The following ZFYVE28 variants were observed in gnomAD, a reference collection of about 807,000 sequenced individuals.
ZFYVE28 encodes the protein lateral signaling target protein 2 homolog.
Under a neutral mutation model 82.1 loss-of-function variants are expected in ZFYVE28, and 40 were observed. That is an observed-to-expected ratio of 0.49 (90% CI 0.38 to 0.63). The LOEUF (loss-of-function observed/expected upper bound fraction) is 0.63. ZFYVE28 is among the 30% of genes least tolerant of loss of function. ZFYVE28 has a pLI of 0.00. For synonymous variants in ZFYVE28, 612 were observed against 546.1 expected, an observed-to-expected ratio of 1.12 and a Z score of -1.68; for missense variants, 1,321 against 1,242.1, an observed-to-expected ratio of 1.06 and a Z score of -0.96.
chr4:2,336,915 A>AAGTGAGGAGGTG (rs147521632), intron 5 of ZFYVE28, among the ~76,000 whole-genome samples: 3 of 31,898 alleles, frequency 9.4e-5, no homozygotes, highest in Non-Finnish European at 1.6e-4. Flanking sequence ...GGAGGTGGGG[A>AAGTGAGGAGGTG]AGTGAGGAGG....
chr4:2,273,931 C>T (rs528346737), intron 9 of ZFYVE28, 131 bp downstream of exon 9: 474 of 1,059,142 alleles, frequency 4.5e-4, no homozygotes, highest in Non-Finnish European at 5.9e-4. Context: ...AGTGCTGGCT[C>T]CTTAGGGGCA....
At chr4:2,401,180 G>C (rs566033012) in intron 1 of ZFYVE28, among the ~76,000 whole-genome samples, 1 of 152,206 alleles carries the variant, frequency 6.6e-6, no homozygotes, top group African/African-American at 2.4e-5. Flanking sequence ...AACTAAGGGG[G>C]GCCCCGAAGG....
At chr4:2,414,470 G>A (rs1199321247) in intron 1 of ZFYVE28, among the ~76,000 whole-genome samples, 1 of 152,226 alleles carries the variant, frequency 6.6e-6, no homozygotes, top group East Asian at 1.9e-4. Flanking sequence ...TATAAGGAAT[G>A]TTCTCCTACA....
At position 2,270,738 on chromosome 4, in the gene ZFYVE28, T is replaced by G; in HGVS notation, c.2651A>C (p.Lys884Thr). 1 of 1,613,160 alleles carries G rather than the reference T, an allele frequency of 6.2e-7. No individual in the cohort carries two copies. Among genetic ancestry groups the G allele is most frequent in the Non-Finnish European group, 8.5e-7 (1 of 1,179,908 alleles). ...MFHVTPFYSD[K>T]AGL is the part of the protein sequence containing the mutation. ...CCTGGCACCACGTCACAGGCCGGCC[T>G]TGTCGCTGTAGAAGGGCGTGACATG... Residue 884 changes from lysine (K) to threonine (T), a missense_variant, in exon 13 of 13, where the codon AAG (lysine) becomes ACG (threonine). Transcript: ENST00000290974.
At chr4:2,307,596 C>T (rs1021191477) in intron 7 of ZFYVE28, among the ~76,000 whole-genome samples, 2 of 152,134 alleles carry the variant, frequency 1.3e-5, no homozygotes, top group Admixed American at 6.5e-5. Flanking sequence ...TATTCTTCTG[C>T]CTCAGCCTCC....
At position 2,335,930 on chromosome 4, in the gene ZFYVE28, T is replaced by C; in HGVS notation, c.612-136A>G. 1 of 685,268 alleles carries C rather than the reference T, an allele frequency of 1.5e-6. No individual in the cohort carries two copies. The highest frequency in any genetic ancestry group is 2.6e-6 in the Non-Finnish European group (1 of 384,788). The allele number at this position is 685,268 out of a possible 1,614,324, so 42.4% of individuals were successfully genotyped here. A position where few individuals can be genotyped will look rare whatever the true frequency, so the allele number is the denominator to read the frequency against. ...GGTGGCCACGTCAAGAGGTGACACA[T>C]GCCACCCCCAGTCCTCATATGTGCA... On this transcript the variant is annotated intron_variant, in intron 5 of 12. Transcript: ENST00000290974. This position sits in a 1 kb window ranked among gnomAD's most constrained non-coding sequence, Gnocchi z 5.8.
intron 7 of ZFYVE28, among the ~76,000 whole-genome samples, chr4:2,319,956 G>A (rs1212814364): frequency 2.0e-5 from 3 of 152,166 alleles, no homozygotes; most frequent in Admixed American, 2.0e-4. Flanking sequence ...CCAAGAGAGC[G>A]CCCACCCCAT....
At chr4:2,288,464 T>C (rs964197444) in intron 8 of ZFYVE28, among the ~76,000 whole-genome samples, 1 of 152,158 alleles carries the variant, frequency 6.6e-6, no homozygotes, top group African/African-American at 2.4e-5. Flanking sequence ...AGCGCCTGCC[T>C]CCGAGGGGCT....
intron 8 of ZFYVE28, among the ~76,000 whole-genome samples, chr4:2,299,266 A>G (rs1260972760): frequency 6.6e-6 from 1 of 152,114 alleles, no homozygotes; most frequent in Non-Finnish European, 1.5e-5. Context: ...CAGTGATCAG[A>G]GGGGGCAAAC....
intron 1 of ZFYVE28, among the ~76,000 whole-genome samples, chr4:2,413,503 C>G (rs1260740641): frequency 6.6e-6 from 1 of 152,114 alleles, no homozygotes; most frequent in Non-Finnish European, 1.5e-5. Flanking sequence ...AGCGTCCTCC[C>G]AGGACTTCCT....
chr4:2,364,540 G>A (rs1327303240), intron 1 of ZFYVE28: 44 of 985,408 alleles, frequency 4.5e-5, no homozygotes, highest in Non-Finnish European at 5.2e-5. Flanking sequence ...GACGCAACAG[G>A]AGCCACGTGG....
intron 1 of ZFYVE28, among the ~76,000 whole-genome samples, chr4:2,399,853 A>G (rs539908619): frequency 5.9e-5 from 9 of 152,310 alleles, no homozygotes; most frequent in African/African-American, 1.9e-4. Flanking sequence ...CGTGGGCCAC[A>G]TGGGGTTGCA....
At chr4:2,311,394 C>G (rs370976770) in intron 7 of ZFYVE28, among the ~76,000 whole-genome samples, 1 of 152,076 alleles carries the variant, frequency 6.6e-6, no homozygotes, top group Non-Finnish European at 1.5e-5. Context: ...GGTGTGGTGG[C>G]AGGCATCTGT....
At chr4:2,295,379 C>T (rs1464262678) in intron 8 of ZFYVE28, among the ~76,000 whole-genome samples, 3 of 151,944 alleles carry the variant, frequency 2.0e-5, no homozygotes, top group African/African-American at 7.3e-5. Context: ...CCATGTTGGC[C>T]AGGCTGGTCT....
chr4:2,334,132 G>C (rs1721182347), intron 6 of ZFYVE28, among the ~76,000 whole-genome samples: 1 of 152,144 alleles, frequency 6.6e-6, no homozygotes, highest in Non-Finnish European at 1.5e-5. Flanking sequence ...ACTCTCTCTG[G>C]TTTGCTAACT....
intron 6 of ZFYVE28, chr4:2,324,735 T>C (rs78718951): frequency 0.011 from 1,716 of 162,882 alleles, 32 homozygotes; most frequent in African/African-American, 0.039. Context: ...GCTAAGATGG[T>C]GTCTTGTATC....
intron 6 of ZFYVE28, among the ~76,000 whole-genome samples, chr4:2,321,633 CT>C (rs1719091201): frequency 6.6e-6 from 1 of 152,164 alleles, no homozygotes; most frequent in South Asian, 2.1e-4. Flanking sequence ...AGAGCCTTAA[CT>C]TTATGGGTGA....
intron 7 of ZFYVE28, among the ~76,000 whole-genome samples, chr4:2,305,744 G>T (rs1024276082): frequency 6.6e-6 from 1 of 152,254 alleles, no homozygotes; most frequent in African/African-American, 2.4e-5. Flanking sequence ...CGGTGTTCAA[G>T]GTGGCCGGCT....
intron 1 of ZFYVE28, among the ~76,000 whole-genome samples, chr4:2,399,722 A>G (rs1730968821): frequency 6.6e-6 from 1 of 152,244 alleles, no homozygotes; most frequent in Non-Finnish European, 1.5e-5. Flanking sequence ...CGATACTCGG[A>G]TCCCAAGTGC....
Sources: allele counts gnomAD v4.1 joint callset (sites outside exome capture counted in the v4.1 genomes callset), GRCh38; gene constraint gnomAD v4.1.1; non-coding constraint Gnocchi (gnomAD v3.1); transcripts MANE v1.5; gene names NCBI Gene and HGNC (gene_info 2026-07-23, HGNC 2026-07-21).